The following NLRP11 variants were observed in gnomAD, a reference collection of about 807,000 sequenced individuals.
The protein encoded by NLRP11 is NACHT, LRR and PYD domains-containing protein 11.
NLRP11 carries 53 observed loss-of-function variants against 79.3 expected under a neutral mutation model. That is an observed-to-expected ratio of 0.67 (90% CI 0.54 to 0.84). NLRP11 has a LOEUF of 0.84. Among genes scored for constraint, NLRP11 ranks in the 40% least tolerant of loss-of-function variants. The probability of loss-of-function intolerance (pLI) is 0.00; values close to 1 mark genes in which losing one functional copy is unlikely to be tolerated. For missense variants in NLRP11, 1,264 were observed against 1,255.0 expected, an observed-to-expected ratio of 1.01 and a Z score of -0.11; for synonymous variants, 518 against 462.6, an observed-to-expected ratio of 1.12 and a Z score of -1.54.
intron 1 of NLRP11, among the ~76,000 whole-genome samples, chr19:55,821,023 T>C (rs1373592349): frequency 6.6e-6 from 1 of 152,174 alleles, no homozygotes; most frequent in East Asian, 1.9e-4. Context: ...GTGGCTCACA[T>C]GCCTTTATGG....
intron 6 of NLRP11, among the ~76,000 whole-genome samples, chr19:55,794,454 G>T (rs565366840): frequency 6.6e-6 from 1 of 152,120 alleles, no homozygotes; most frequent in South Asian, 2.1e-4. Flanking sequence ...ATGGATCTTA[G>T]AACAATTTGA....
chr19:55,787,325 C>A (rs1989939968), intron 9 of NLRP11, among the ~76,000 whole-genome samples: 1 of 152,132 alleles, frequency 6.6e-6, no homozygotes, highest in African/African-American at 2.4e-5. Flanking sequence ...TTGCCTCTAG[C>A]ATAAGCAAGA....
intron 6 of NLRP11, 33 bp from the exon 7 acceptor site, chr19:55,792,504 G>A (rs747978516): frequency 1.9e-6 from 3 of 1,599,130 alleles, no homozygotes; most frequent in Admixed American, 3.3e-5. Context: ...CAGTGACAGT[G>A]TGAGCACCAG....
intron 5 of NLRP11, among the ~76,000 whole-genome samples, chr19:55,799,070 C>A (rs1276158726): frequency 6.6e-6 from 1 of 152,006 alleles, no homozygotes; most frequent in Non-Finnish European, 1.5e-5. Context: ...AGTTTGAGAC[C>A]AGCCTAGCTG....
chr19:55,809,530 C>A lies in NLRP11; in HGVS notation c.1080G>T (p.Gln360His), dbSNP rs772410264. The A allele has an allele frequency of 6.2e-7, 1 of 1,614,208 alleles. No individual in the cohort carries two copies. Residue 360 changes from glutamine to histidine, a missense_variant, in exon 3 of 10, where the codon CAG (glutamine) becomes CAT (histidine). Coordinates refer to ENST00000589093, the Ensembl canonical transcript of NLRP11. This position sits in a 1 kb window ranked among gnomAD's most constrained non-coding sequence, Gnocchi z 4.5. ...GATCAGTGGGTGTTTGGCAGCAGAG[C>A]TGGAAGTCACGCCCCTTGTCCATCT...
At chr19:55,819,180 CACACACACAG>C (rs1322398691) in intron 1 of NLRP11, among the ~76,000 whole-genome samples, 17 of 126,830 alleles carry the variant, frequency 1.3e-4, no homozygotes, top group African/African-American at 3.1e-4. Context: ...CACACACACA[CACACACACAG>C]GTTGCCTCTT....
At chr19:55,806,261 C>A (rs1241978258) in intron 4 of NLRP11, among the ~76,000 whole-genome samples, 1 of 152,178 alleles carries the variant, frequency 6.6e-6, no homozygotes, top group Non-Finnish European at 1.5e-5. Context: ...ATGAACGACA[C>A]CCACATTTTA....
At chr19:55,808,738 A>G in intron 3 of NLRP11, 31 bp downstream of exon 3, 1 of 1,563,768 alleles carries the variant, frequency 6.4e-7, no homozygotes, top group Non-Finnish European at 8.6e-7. Context: ...TTAGGAAGAC[A>G]GGAAAGAGGA....
intron 3 of NLRP11, among the ~76,000 whole-genome samples, chr19:55,808,546 C>T (rs922861784): frequency 6.6e-6 from 1 of 152,148 alleles, no homozygotes; most frequent in African/African-American, 2.4e-5. Context: ...TAGACCCCCA[C>T]CACAAAGAAT....
chr19:55,824,938 C>T lies in NLRP11; in HGVS notation c.-62-6702G>A, dbSNP rs1374817958. Among the ~76,000 whole-genome samples, 4 of 64,402 alleles carry T rather than the reference C, an allele frequency of 6.2e-5. 1 individual carries two copies. Among genetic ancestry groups the T allele is most frequent in the Admixed American group, 1.7e-4 (1 of 5,744 alleles). 42.3% of individuals were successfully genotyped at this position (64,402 alleles called of 152,430 possible). On this transcript the variant is annotated intron_variant, in intron 1 of 9. Coordinates refer to ENST00000589093, the Ensembl canonical transcript of NLRP11. The stretch of plus-strand genomic sequence containing the variant: ...TAATAGACATCTACAGAACTCTCCA[C>T]CCCAAATCAACAGAATATACATTTT...
intron 1 of NLRP11, among the ~76,000 whole-genome samples, chr19:55,831,319 T>G (rs894569452): frequency 6.6e-6 from 1 of 151,448 alleles, no homozygotes; most frequent in Non-Finnish European, 1.5e-5. Flanking sequence ...CCCAGCACTT[T>G]GGGAGGTCAA....
chr19:55,811,377 G>C (rs1980587078), intron 2 of NLRP11, among the ~76,000 whole-genome samples: 1 of 152,184 alleles, frequency 6.6e-6, no homozygotes, highest in Admixed American at 6.5e-5. Context: ...GCAGATACTT[G>C]AAAATGTTTT....
At chr19:55,796,388 A>G (rs1978874731) in intron 5 of NLRP11, 138 bp from the exon 6 acceptor site, 1 of 734,918 alleles carries the variant, frequency 1.4e-6, no homozygotes, top group Non-Finnish European at 2.2e-6. Flanking sequence ...CTTTGCTTCT[A>G]ACCTTTCTTC....
intron 9 of NLRP11, among the ~76,000 whole-genome samples, chr19:55,786,770 A>G (rs1427394224): frequency 2.0e-5 from 3 of 152,196 alleles, no homozygotes; most frequent in African/African-American, 7.2e-5. Context: ...CATGGAGCTC[A>G]TGTTCTAGTG....
At position 55,809,022 on chromosome 19, in the gene NLRP11, T is replaced by C. The variant is rs773222784; in HGVS notation, c.1588A>G (p.Lys530Glu). Residue 530 changes from lysine (K) to glutamate (E), a missense_variant, in exon 3 of 10, where the codon AAA becomes GAA. Coordinates refer to ENST00000589093, the Ensembl canonical transcript of NLRP11. This position sits in a 1 kb window ranked among gnomAD's most constrained non-coding sequence, Gnocchi z 4.5. ...TTTTCCGGGTCACGGTCCAAATGTT[T>C]CATGTATCCCACCGAGTACCACTTG... The C allele has an allele frequency of 1.2e-6, 2 of 1,614,142 alleles. No individual in the cohort carries two copies. The highest frequency in any genetic ancestry group is 2.2e-5 in the South Asian group (2 of 91,084).
At chr19:55,802,687 A>G (rs537815816) in intron 4 of NLRP11, among the ~76,000 whole-genome samples, 4 of 152,362 alleles carry the variant, frequency 2.6e-5, no homozygotes, top group African/African-American at 9.6e-5. Context: ...GAACAAAAAA[A>G]GAGCCCCAAT....
chr19:55,799,860 G>A (rs1400439500), intron 5 of NLRP11, among the ~76,000 whole-genome samples: 3 of 152,226 alleles, frequency 2.0e-5, no homozygotes, highest in African/African-American at 4.8e-5. Flanking sequence ...CCAGCTACTC[G>A]GGAGGCTGAG....
intron 1 of NLRP11, among the ~76,000 whole-genome samples, chr19:55,827,029 A>G (rs1302825228): frequency 6.8e-6 from 1 of 146,530 alleles, no homozygotes; most frequent in African/African-American, 2.6e-5. Context: ...ACAAGGCTAC[A>G]GTAACCAAAA....
At chr19:55,824,580 A>C (rs1298486663) in intron 1 of NLRP11, among the ~76,000 whole-genome samples, 2 of 123,464 alleles carry the variant, frequency 1.6e-5, no homozygotes, top group Non-Finnish European at 3.2e-5. Flanking sequence ...TCTACCAAGC[A>C]AATGGAAAAC....
Sources: gnomAD v4.1 joint callset for allele counts (sites outside exome capture counted in the v4.1 genomes callset) on GRCh38, gnomAD v4.1.1 for gene constraint, Gnocchi (gnomAD v3.1) non-coding constraint, MANE v1.5 for transcripts, NCBI Gene and HGNC (gene_info 2026-07-23, HGNC 2026-07-21) for gene names.